Variants in FBXO4 observed in about 807,000 individuals in gnomAD.
FBXO4 encodes the protein F-box protein 4, also known as F-box only protein 4.
FBXO4 carries 36 observed loss-of-function variants against 43.7 expected under a neutral mutation model. The ratio of observed to expected loss-of-function variants is 0.82; its 90% confidence interval spans 0.63 to 1.09. The LOEUF is 1.09. FBXO4 is among the 50% of genes least tolerant of loss of function. The pLI, the probability that FBXO4 is intolerant of heterozygous loss-of-function variation, is 0.00. For synonymous variants in FBXO4, 180 were observed against 165.6 expected (o/e 1.09, Z -0.67); for missense variants, 435 against 474.1 (o/e 0.92, Z 0.77).
At chr5:42,004,434 G>A in the FBXO4 span, among the ~76,000 whole-genome samples, 4 of 152,108 alleles carry the variant, frequency 2.6e-5, no homozygotes, top group African/African-American at 4.8e-5. Flanking sequence ...GGTAAAAAAA[G>A]TCTATTTAAG....
At chr5:41,970,009 G>T in the FBXO4 span, among the ~76,000 whole-genome samples, 1 of 152,044 alleles carries the variant, frequency 6.6e-6, no homozygotes, top group East Asian at 1.9e-4. Context: ...ACCATTTAAT[G>T]AACATTTAAA....
intron 5 of FBXO4, among the ~76,000 whole-genome samples, chr5:41,935,740 C>A (rs1177972937): frequency 1.3e-5 from 2 of 152,224 alleles, no homozygotes; most frequent in Non-Finnish European, 2.9e-5. Context: ...CTCCATGTCC[C>A]TACCAATTAA....
the FBXO4 span, among the ~76,000 whole-genome samples, chr5:42,033,112 TG>T: frequency 2.6e-5 from 4 of 152,282 alleles, no homozygotes; most frequent in African/African-American, 9.6e-5. Flanking sequence ...TCCTCCCCAC[TG>T]TTCCCTCTCC....
At chr5:41,999,965 C>A in the FBXO4 span, among the ~76,000 whole-genome samples, 1 of 152,052 alleles carries the variant, frequency 6.6e-6, no homozygotes, top group Admixed American at 6.6e-5. Context: ...TAGTACCCAA[C>A]ATTTCCCCAT....
the FBXO4 span, among the ~76,000 whole-genome samples, chr5:42,018,157 A>G: frequency 2.0e-5 from 3 of 148,856 alleles, no homozygotes; most frequent in Non-Finnish European, 4.5e-5. Context: ...ATATAAAATT[A>G]TATATATCTA....
At chr5:41,999,516 T>TACAC in the FBXO4 span, among the ~76,000 whole-genome samples, 2 of 114,940 alleles carry the variant, frequency 1.7e-5, no homozygotes, top group African/African-American at 4.2e-5. Context: ...TGTATATATA[T>TACAC]ATATATACAT....
the FBXO4 span, among the ~76,000 whole-genome samples, chr5:41,949,539 A>G: frequency 1.4e-4 from 22 of 152,352 alleles, no homozygotes; most frequent in African/African-American, 5.3e-4. Context: ...GGAGAACTAC[A>G]AACCACGGCT....
the FBXO4 span, chr5:41,951,983 G>T: frequency 3.1e-5 from 10 of 326,754 alleles, no homozygotes; most frequent in East Asian, 1.8e-4. Context: ...CATCAGCAGG[G>T]TTTCCAATCA....
At chr5:42,003,199 A>T in the FBXO4 span, among the ~76,000 whole-genome samples, 1 of 152,226 alleles carries the variant, frequency 6.6e-6, no homozygotes, top group South Asian at 2.1e-4. Context: ...GAATTAGATA[A>T]GTTGTGGAGT....
At chr5:41,971,653 T>C in the FBXO4 span, among the ~76,000 whole-genome samples, 10 of 152,022 alleles carry the variant, frequency 6.6e-5, no homozygotes, top group Non-Finnish European at 1.3e-4. Context: ...TGCATTTTAG[T>C]ATGAATCTTA....
intron 5 of FBXO4, among the ~76,000 whole-genome samples, chr5:41,938,680 G>A (rs1751915800): frequency 6.6e-6 from 1 of 152,086 alleles, no homozygotes; most frequent in South Asian, 2.1e-4. Context: ...TGTATCATAT[G>A]GTTGCATCCT....
At chr5:41,942,999 T>G (rs1326243134), downstream of FBXO4, among the ~76,000 whole-genome samples, 1 of 152,160 alleles carries the variant, frequency 6.6e-6, no homozygotes, top group East Asian at 1.9e-4. Flanking sequence ...TCAGGCAATG[T>G]GTATAATACT....
At chr5:41,982,163 G>T in the FBXO4 span, among the ~76,000 whole-genome samples, 40 of 152,188 alleles carry the variant, frequency 2.6e-4, no homozygotes, top group Non-Finnish European at 5.3e-4. Flanking sequence ...TGGACATTTG[G>T]GTTGGTTCCA....
At chr5:41,992,014 G>A in the FBXO4 span, among the ~76,000 whole-genome samples, 1,683 of 152,238 alleles carry the variant, frequency 0.011, 29 homozygotes, top group African/African-American at 0.033. Flanking sequence ...GGAGGCAGAG[G>A]TTGCGGTGAG....
chr5:41,945,170 TAA>T (rs1752060528), downstream of FBXO4, among the ~76,000 whole-genome samples: 1 of 152,200 alleles, frequency 6.6e-6, no homozygotes, highest in Non-Finnish European at 1.5e-5. Context: ...AAAAAAAGTG[TAA>T]GAGACCAATC....
At chr5:42,023,856 T>C in the FBXO4 span, among the ~76,000 whole-genome samples, 1 of 151,984 alleles carries the variant, frequency 6.6e-6, no homozygotes, top group Non-Finnish European at 1.5e-5. Flanking sequence ...TACAAGAATT[T>C]ATCAGTTCCC....
chr5:42,005,293 A>T, the FBXO4 span, among the ~76,000 whole-genome samples: 1 of 152,116 alleles, frequency 6.6e-6, no homozygotes, highest in Non-Finnish European at 1.5e-5. Context: ...TATAAACTTT[A>T]TTTGCTTCAT....
At chr5:42,039,326 A>G in the FBXO4 span, among the ~76,000 whole-genome samples, 1 of 152,042 alleles carries the variant, frequency 6.6e-6, no homozygotes, top group Non-Finnish European at 1.5e-5. Flanking sequence ...AAAATGTAAT[A>G]TGTAGAATAT....
the FBXO4 span, among the ~76,000 whole-genome samples, chr5:42,021,428 T>C: frequency 6.6e-6 from 1 of 152,108 alleles, no homozygotes; most frequent in African/African-American, 2.4e-5. Context: ...GTCATTGAAA[T>C]TGGAGAGACT....
Sources: gnomAD v4.1 joint callset for allele counts (sites outside exome capture counted in the v4.1 genomes callset) on GRCh38, gnomAD v4.1.1 for gene constraint, MANE v1.5 for transcripts, NCBI Gene and HGNC (gene_info 2026-07-23, HGNC 2026-07-21) for gene names.